MECOM: variants seen among roughly 807,000 people sequenced by gnomAD.
MECOM encodes histone-lysine N-methyltransferase MECOM.
Under a neutral mutation model 116.3 loss-of-function variants are expected in MECOM, and 13 were observed. That is an observed-to-expected ratio of 0.11 (90% confidence interval 0.07 to 0.18). The LOEUF is 0.18. MECOM is among the 10% of genes least tolerant of loss of function. The pLI is 1.00. For missense variants in MECOM, 1,299 were observed against 1,509.0 expected, an observed-to-expected ratio of 0.86 and a Z score of 2.31; for synonymous variants, 528 against 535.2, an observed-to-expected ratio of 0.99 and a Z score of 0.19.
rs927728586 is a variant in MECOM at position 169,162,534 on chromosome 3, T to C, written c.376-18702A>G. On this transcript the variant is annotated intron_variant, in intron 2 of 16. Transcript: ENST00000651503. ...GTGAGACCTGCTGTCATTCAAAAGA[T>C]AGGCAAAAGCGGAAAATAATATTAC... is the stretch of plus-strand genomic sequence containing the variant. 3.3e-5 allele frequency among the ~76,000 whole-genome samples: 5 copies of C among 152,164 alleles called. 1 individual carries two copies. Among genetic ancestry groups the C allele is most frequent in the Admixed American group, 3.3e-4 (5 of 15,264 alleles).
chr3:169,298,237 A>T (rs1220347316), intron 2 of MECOM, among the ~76,000 whole-genome samples: 3 of 152,182 alleles, frequency 2.0e-5, no homozygotes, highest in Non-Finnish European at 4.4e-5. Flanking sequence ...AAAGAATAAA[A>T]CAGAATGGAA....
chr3:169,342,497 A>G (rs1184139347), intron 2 of MECOM, among the ~76,000 whole-genome samples: 1 of 152,184 alleles, frequency 6.6e-6, no homozygotes, highest in East Asian at 1.9e-4. Context: ...CATATTATTT[A>G]TAAAATTTTT....
intron 12 of MECOM, among the ~76,000 whole-genome samples, chr3:169,097,710 C>T (rs868056415): frequency 6.6e-6 from 1 of 150,956 alleles, no homozygotes; most frequent in Non-Finnish European, 1.5e-5. Flanking sequence ...CCTGCCTATA[C>T]TATAATCCCT....
At chr3:169,291,460 AT>A (rs1159787579) in intron 2 of MECOM, among the ~76,000 whole-genome samples, 1 of 152,156 alleles carries the variant, frequency 6.6e-6, no homozygotes. Flanking sequence ...AAATTCTCAA[AT>A]TTCTCCTTTA....
chr3:169,212,684 A>G (rs182203041), intron 2 of MECOM, among the ~76,000 whole-genome samples: 9,090 of 127,200 alleles, frequency 0.071, 679 homozygotes, highest in East Asian at 0.29. Context: ...ATATATATAT[A>G]TGCAACAAAA....
At chr3:169,360,318 C>A (rs1327055886) in intron 2 of MECOM, among the ~76,000 whole-genome samples, 25 of 63,638 alleles carry the variant, frequency 3.9e-4, no homozygotes, top group African/African-American at 6.9e-4. Flanking sequence ...AAAAGTTACA[C>A]CAAAAAAAAA....
intron 1 of MECOM, among the ~76,000 whole-genome samples, chr3:169,436,309 G>A (rs1366459894): frequency 1.5e-5 from 2 of 137,340 alleles, no homozygotes; most frequent in Non-Finnish European, 3.0e-5. Flanking sequence ...GGAATACAAT[G>A]GCGCAATCTC....
At chr3:169,228,846 G>A (rs1490874723) in intron 2 of MECOM, among the ~76,000 whole-genome samples, 2 of 152,134 alleles carry the variant, frequency 1.3e-5, no homozygotes, top group African/African-American at 2.4e-5. Flanking sequence ...AAAAGTTTAA[G>A]GCTTTTTATG....
chr3:169,603,413 A>G (rs922111931), intron 1 of MECOM, among the ~76,000 whole-genome samples: 4 of 152,220 alleles, frequency 2.6e-5, no homozygotes, highest in African/African-American at 9.6e-5. Context: ...CCATACGCTA[A>G]GATTAATTTA....
chr3:169,381,494 T>G lies in MECOM; in HGVS notation c.68A>C (p.Glu23Ala). 1 of 1,612,082 alleles carries G rather than the reference T, an allele frequency of 6.2e-7. No homozygotes were observed. Among genetic ancestry groups the G allele is most frequent in the Non-Finnish European group, 8.5e-7 (1 of 1,178,910 alleles). ...NNECVYGNYP[E>A]IPLEEMPDAD... ...ATCTGGCATTTCTTCCAAAGGTATT[T>G]CAGGGTAGTTGCCATATACACACTC... The change falls in exon 2 of 17, where the codon GAA becomes GCA. Residue 23 changes from glutamate to alanine, a missense_variant. By Grantham distance (107) the Glu-to-Ala change is moderately radical (BLOSUM62 -1). Transcript: ENST00000651503.
intron 4 of MECOM, 77 bp downstream of exon 4, chr3:169,131,352 G>A (rs944858293): frequency 2.0e-5 from 25 of 1,230,386 alleles, no homozygotes; most frequent in Non-Finnish European, 2.9e-5. Flanking sequence ...CAAACACCAG[G>A]AACAATGGAT....
At chr3:169,130,315 C>G (rs1401816471) in intron 4 of MECOM, among the ~76,000 whole-genome samples, 1 of 152,180 alleles carries the variant, frequency 6.6e-6, no homozygotes, top group African/African-American at 2.4e-5. Context: ...CTAAGAACTC[C>G]TTGCTGCCGA....
intron 2 of MECOM, among the ~76,000 whole-genome samples, chr3:169,377,256 CAT>C (rs1241748141): frequency 1.3e-5 from 2 of 152,162 alleles, no homozygotes; most frequent in Non-Finnish European, 2.9e-5. Flanking sequence ...CCATCCAGGA[CAT>C]AGGCATGGGC....
intron 2 of MECOM, among the ~76,000 whole-genome samples, chr3:169,180,774 ATG>A (rs1260560810): frequency 7.8e-5 from 8 of 103,218 alleles, no homozygotes; most frequent in African/African-American, 7.2e-5. Context: ...CTCTTTATGT[ATG>A]TGTGTGTGTG....
chr3:169,659,969 G>C (rs1399719894), intron 1 of MECOM, among the ~76,000 whole-genome samples: 3 of 152,112 alleles, frequency 2.0e-5, no homozygotes, highest in Non-Finnish European at 4.4e-5. Context: ...CGAGACTTCT[G>C]GGGGGCCGGT....
intron 1 of MECOM, among the ~76,000 whole-genome samples, chr3:169,539,330 C>T (rs1759780366): frequency 2.0e-5 from 3 of 152,262 alleles, no homozygotes; most frequent in South Asian, 2.1e-4. Flanking sequence ...TCCTTTAGGC[C>T]TTCCCCATAG....
chr3:169,602,172 CTTATGTATCTGA>C (rs1461216553), intron 1 of MECOM, among the ~76,000 whole-genome samples: 1 of 152,158 alleles, frequency 6.6e-6, no homozygotes, highest in African/African-American at 2.4e-5. Context: ...AGTAAAAAAA[CTTATGTATCTGA>C]TATTTGGTAG....
chr3:169,523,342 G>C (rs1757575921), intron 1 of MECOM, among the ~76,000 whole-genome samples: 1 of 152,098 alleles, frequency 6.6e-6, no homozygotes, highest in Non-Finnish European at 1.5e-5. Flanking sequence ...ACCTGGTTCT[G>C]CTGGTTGGGA....
At chr3:169,393,674 T>C (rs1316521144) in intron 1 of MECOM, among the ~76,000 whole-genome samples, 2 of 152,108 alleles carry the variant, frequency 1.3e-5, no homozygotes, top group African/African-American at 4.8e-5. Flanking sequence ...ATCTCAGTGA[T>C]TTTTTTGGTG....
Sources: allele counts gnomAD v4.1 joint callset (sites outside exome capture counted in the v4.1 genomes callset), GRCh38; gene constraint gnomAD v4.1.1; transcripts MANE v1.5; gene names NCBI Gene and HGNC (gene_info 2026-07-23, HGNC 2026-07-21).